PSMD11: variants seen among roughly 807,000 people sequenced by gnomAD.
The protein encoded by PSMD11 is proteasome 26S subunit, non-ATPase 11, also known as 26S proteasome non-ATPase regulatory subunit 11.
In PSMD11, 5 loss-of-function variants were observed where a neutral mutation model predicts 62.3. The ratio of observed to expected loss-of-function variants is 0.08; its 90% CI spans 0.04 to 0.17. The LOEUF (loss-of-function observed/expected upper bound fraction) is 0.17, where lower values mean the gene tolerates loss of function less well. PSMD11 is among the 10% of genes least tolerant of loss of function. The pLI, the probability that PSMD11 is intolerant of heterozygous loss-of-function variation, is 1.00. For missense variants in PSMD11, 310 were observed against 512.9 expected (o/e 0.60, Z 3.82); for synonymous variants, 191 against 191.8 (o/e 1.00, Z 0.03).
chr17:32,479,446 TC>T, intron 10 of PSMD11, 70 bp downstream of exon 10: 1 of 1,572,838 alleles, frequency 6.4e-7, no homozygotes, highest in African/African-American at 1.3e-5. Context: ...TCCACACCTG[TC>T]CAGAATGGGA....
intron 3 of PSMD11, among the ~76,000 whole-genome samples, chr17:32,457,726 A>G (rs115752952): frequency 2.9e-3 from 438 of 151,776 alleles, no homozygotes; most frequent in African/African-American, 9.7e-3. Context: ...ACATCCAGCC[A>G]TTTGTTAAAT....
chr17:32,446,806 T>G, intron 1 of PSMD11, 139 bp from the exon 2 acceptor site: 1 of 306,726 alleles, frequency 3.3e-6, no homozygotes, highest in Admixed American at 5.2e-5. Context: ...GGCTTAGAGT[T>G]TTTTTTTTTT....
intron 2 of PSMD11, among the ~76,000 whole-genome samples, chr17:32,448,899 A>G (rs1057156881): frequency 1.3e-5 from 2 of 152,142 alleles, no homozygotes; most frequent in Non-Finnish European, 2.9e-5. Context: ...TTGCTTTCCT[A>G]TAACTGTCTA....
Position 32,469,201 on chromosome 17 carries a change from A to G in PSMD11, c.643+8A>G. 6.2e-7 allele frequency: 1 copy of G among 1,609,434 alleles called. No individual in the cohort carries two copies. On this transcript the variant is annotated splice_region_variant and intron_variant, in intron 6 of 13. Coordinates refer to ENST00000261712, the MANE Select transcript of PSMD11 (RefSeq NM_002815.4). ...CCTTGGACATGCAGTCGGGTAACAG[A>G]CGTAGCTATTCCTGGGATGTGTTTT...
chr17:32,460,787 G>T (rs1907811658), intron 3 of PSMD11, among the ~76,000 whole-genome samples: 2 of 151,386 alleles, frequency 1.3e-5, no homozygotes, highest in African/African-American at 4.9e-5. Flanking sequence ...TATATCTAGA[G>T]AACCATCTTC....
intron 2 of PSMD11, 171 bp downstream of exon 2, chr17:32,447,217 T>A (rs553067981): frequency 2.0e-6 from 1 of 509,180 alleles, no homozygotes; most frequent in Non-Finnish European, 3.4e-6. Flanking sequence ...ACTCACTTCT[T>A]TCCTGGTAGT....
In PSMD11 at chr17:32,471,876, G is replaced by GT. The variant is rs529915741; in HGVS notation, c.644-1912dup. On this transcript the variant is annotated intron_variant, in intron 6 of 13. Coordinates refer to ENST00000261712, the MANE Select transcript of PSMD11 (RefSeq NM_002815.4). The stretch of plus-strand genomic sequence containing the variant: ...TGCTGACTATGGTGACTTTGGGCAG[G>GT]TTTTTTTTTTTTTAGACGGTCTCAC... 3.0e-3 allele frequency among the ~76,000 whole-genome samples: 430 copies of GT among 144,148 alleles called. 2 individuals carry two copies. The highest frequency in any genetic ancestry group is 0.02 in the East Asian group (101 of 5,014). The allele number at this position is 144,148 out of a possible 152,430, so 94.6% of individuals were successfully genotyped here. A position where few individuals can be genotyped will look rare whatever the true frequency, so the allele number is the denominator to read the frequency against.
chr17:32,473,903 C>T lies in PSMD11; in HGVS notation c.746C>T (p.Thr249Ile), dbSNP rs376594311. ...TCCATCGACAGCCCCAAGGCCATCA[C>T]ATCTCTGAAGTACATGTTGCTGTGC... ...YDSIDSPKAITSLKYMLLCKI... is the reference protein window; with the variant it reads ...YDSIDSPKAIISLKYMLLCKI... Residue 249 changes from threonine (T) to isoleucine (I), a missense_variant, in exon 7 of 14, where the codon ACA (threonine) becomes ATA (isoleucine). Physicochemically the swap from Thr to Ile is moderately conservative, Grantham distance 89. Around this residue, in one of 6 missense-constraint regions of PSMD11, gnomAD observed 47 missense variants for 117.7 expected, o/e 0.40. Coordinates refer to ENST00000261712, the MANE Select transcript of PSMD11 (RefSeq NM_002815.4). The T allele has an allele frequency of 3.7e-6, 6 of 1,614,204 alleles. No homozygotes were observed. Among genetic ancestry groups the T allele is most frequent in the Non-Finnish European group, 5.1e-6 (6 of 1,180,038 alleles).
At chr17:32,450,918 T>A (rs1301623558) in intron 2 of PSMD11, among the ~76,000 whole-genome samples, 1 of 151,194 alleles carries the variant, frequency 6.6e-6, no homozygotes, top group East Asian at 1.9e-4. Context: ...TTTTTTTTTT[T>A]AAAGCAGCAT....
chr17:32,478,818 C>T (rs1288742159), intron 9 of PSMD11, among the ~76,000 whole-genome samples: 1 of 152,104 alleles, frequency 6.6e-6, no homozygotes, highest in Non-Finnish European at 1.5e-5. Context: ...GCTCTTGGGG[C>T]TTACATGGTT....
rs773584418 is a variant in PSMD11, at chr17:32,480,608, A to G, written c.1246A>G (p.Asn416Asp). Residue 416 changes from asparagine to aspartate, a missense_variant, in exon 13 of 14, where the codon AAC becomes GAC. Coordinates refer to ENST00000261712, the MANE Select transcript of PSMD11 (RefSeq NM_002815.4). The stretch of plus-strand genomic sequence containing the variant: ...GAGCAAAGTAGTGGATTCCCTCTAC[A>G]ACAAAGCCAAGAAACTGACATAGGT... ...NMSKVVDSLY[N>D]KAKKLT The G allele has an allele frequency of 1.2e-6, 2 of 1,614,192 alleles. No homozygotes were observed. Among genetic ancestry groups the G allele is most frequent in the Non-Finnish European group, 1.7e-6 (2 of 1,180,024 alleles).
At chr17:32,472,405 TA>T (rs900631661) in intron 6 of PSMD11, among the ~76,000 whole-genome samples, 3 of 150,916 alleles carry the variant, frequency 2.0e-5, no homozygotes, top group African/African-American at 7.3e-5. Context: ...GTATTTTTAG[TA>T]GAGATGGCGT....
intron 6 of PSMD11, among the ~76,000 whole-genome samples, chr17:32,472,368 A>G (rs1203004058): frequency 6.7e-6 from 1 of 149,598 alleles, no homozygotes; most frequent in Non-Finnish European, 1.5e-5. Context: ...GATTACAGGC[A>G]TGTACCACCA....
intron 6 of PSMD11, among the ~76,000 whole-genome samples, chr17:32,469,816 T>G (rs2150836902): frequency 6.6e-6 from 1 of 152,288 alleles, no homozygotes; most frequent in East Asian, 1.9e-4. Flanking sequence ...CCTACTCGAC[T>G]CATCTGTCAG....
chr17:32,464,002 A>G (rs1420064720), intron 3 of PSMD11, 47 bp from the exon 4 acceptor site: 1 of 1,542,952 alleles, frequency 6.5e-7, no homozygotes, highest in Non-Finnish European at 9.0e-7. Flanking sequence ...GTTTGTGGGA[A>G]GAATTTGAGG....
Position 32,444,519 on chromosome 17 carries a change from G to A in PSMD11, c.-5G>A, listed in dbSNP as rs1260023133. The A allele has an allele frequency of 1.3e-6, 2 of 1,591,638 alleles. No homozygotes were observed. Among genetic ancestry groups the A allele is most frequent in the South Asian group, 2.2e-5 (2 of 88,940 alleles). On this transcript the variant is annotated 5_prime_UTR_variant, in exon 1 of 14. Coordinates refer to ENST00000261712, the MANE Select transcript of PSMD11 (RefSeq NM_002815.4). ...CGCGGCCGGGGACGGTGTGAGAGCGGTAAGATGGCGGCGGCGGCGGTGGTG... is the reference window on the plus strand; with the variant it reads ...CGCGGCCGGGGACGGTGTGAGAGCGATAAGATGGCGGCGGCGGCGGTGGTG...
rs758206902 is a variant in PSMD11 at position 32,464,061 on chromosome 17, T to A, written c.331T>A (p.Leu111Ile). Residue 111 changes from leucine to isoleucine, a missense_variant, in exon 4 of 14, where the codon TTA becomes ATA. Transcript: ENST00000261712. Reference sequence around the variant, plus strand: ...CTCCTTATTGCAGGTCGAGCTGTGTTTAGAGTGCATCGAATGGGCCAAGTC... The same window carrying A: ...CTCCTTATTGCAGGTCGAGCTGTGTATAGAGTGCATCGAATGGGCCAAGTC... ...AATGQEVELC[L>I]ECIEWAKSEK... 6.4e-5 allele frequency: 103 copies of A among 1,613,982 alleles called. No homozygotes were observed. Among genetic ancestry groups the A allele is most frequent in the Non-Finnish European group, 8.2e-5 (97 of 1,179,996 alleles).
intron 6 of PSMD11, among the ~76,000 whole-genome samples, chr17:32,471,520 A>C (rs1908160860): frequency 6.6e-6 from 1 of 152,224 alleles, no homozygotes; most frequent in Non-Finnish European, 1.5e-5. Flanking sequence ...ACAGTTGCAT[A>C]AATATAAAAC....
intron 6 of PSMD11, among the ~76,000 whole-genome samples, chr17:32,470,817 T>A (rs1198801163): frequency 6.6e-6 from 1 of 152,208 alleles, no homozygotes; most frequent in African/African-American, 2.4e-5. Context: ...ATTAATGGTT[T>A]GTTGGGTTGT....
Sources: gnomAD v4.1 joint callset for allele counts (sites outside exome capture counted in the v4.1 genomes callset) on GRCh38, gnomAD v4.1.1 for gene constraint, gnomAD v4.1.1 regional missense constraint, MANE v1.5 for transcripts, NCBI Gene and HGNC (gene_info 2026-07-23, HGNC 2026-07-21) for gene names.